DCC: variants seen among roughly 807,000 people sequenced by gnomAD.
DCC encodes DCC netrin 1 receptor.
A neutral mutation model predicts 172.5 loss-of-function variants in DCC; 58 were observed. The observed-to-expected ratio is 0.34, with a 90% CI of 0.27 to 0.42. The LOEUF (loss-of-function observed/expected upper bound fraction) is 0.42, where lower values mean the gene tolerates loss of function less well. Ranked by LOEUF, DCC falls within the 10% of genes least tolerant of loss-of-function variation. DCC has a pLI of 1.00. For synonymous variants in DCC, 709 were observed against 644.5 expected (o/e 1.10, Z -1.52); for missense variants, 1,740 against 1,791.0 (o/e 0.97, Z 0.51).
intron 1 of DCC, among the ~76,000 whole-genome samples, chr18:52,550,981 A>G (rs748377776): frequency 3.9e-5 from 6 of 152,016 alleles, no homozygotes; most frequent in Non-Finnish European, 7.4e-5. Context: ...GATAACCTGG[A>G]ATAAGAGGTA....
At chr18:52,522,445 C>T (rs776950782) in intron 1 of DCC, among the ~76,000 whole-genome samples, 2 of 152,156 alleles carry the variant, frequency 1.3e-5, no homozygotes, top group Non-Finnish European at 2.9e-5. Flanking sequence ...CCAGAACTAA[C>T]AACACTCTCC....
chr18:52,374,880 A>C (rs1268804352), intron 1 of DCC, among the ~76,000 whole-genome samples: 1 of 152,228 alleles, frequency 6.6e-6, no homozygotes, highest in African/African-American at 2.4e-5. Context: ...AGGGAAGTTG[A>C]AAGGTAGAAA....
In DCC at chr18:53,205,201, T is replaced by C. The variant is rs774246478; in HGVS notation, c.1574-15T>C. The C allele has an allele frequency of 6.2e-7, 1 of 1,608,186 alleles. No homozygotes were observed. Among genetic ancestry groups the C allele is most frequent in the South Asian group, 1.1e-5 (1 of 90,916 alleles). On this transcript the variant is annotated splice_polypyrimidine_tract_variant and intron_variant, in intron 9 of 28. Transcript: ENST00000442544. Reference sequence around the variant, plus strand: ...TAATCACTTTTCTTTCTTTCTTTATTATTTTTTTATACAGTGCAAGTTCCA... The same window carrying C: ...TAATCACTTTTCTTTCTTTCTTTATCATTTTTTTATACAGTGCAAGTTCCA...
rs78708486 is a variant in DCC at position 53,078,113 on chromosome 18, C to T, written c.1261+11947C>T. ...GCTATATTCATTATTCAATATTTATCGAGTACCCAGAAATATATAAGGAAT... is the reference window on the plus strand; with the variant it reads ...GCTATATTCATTATTCAATATTTATTGAGTACCCAGAAATATATAAGGAAT... On this transcript the variant is annotated intron_variant, in intron 7 of 28. Transcript: ENST00000442544. 5.3e-4 allele frequency among the ~76,000 whole-genome samples: 80 copies of T among 152,188 alleles called. 1 individual carries two copies. The East Asian group carries it at 0.013, about 25-fold the overall frequency.
At chr18:52,803,012 A>G (rs74375265) in intron 2 of DCC, among the ~76,000 whole-genome samples, 6,519 of 152,272 alleles carry the variant, frequency 0.043, 220 homozygotes, top group South Asian at 0.16. Context: ...CTGTAGGTTT[A>G]TATCATGTGT....
chr18:52,776,023 G>A (rs2037425353), intron 2 of DCC, among the ~76,000 whole-genome samples: 1 of 152,132 alleles, frequency 6.6e-6, no homozygotes, highest in Non-Finnish European at 1.5e-5. Flanking sequence ...TCACACTACA[G>A]CAGAGTTGGA....
At chr18:52,419,938 T>C (rs1045276442) in intron 1 of DCC, among the ~76,000 whole-genome samples, 3 of 152,172 alleles carry the variant, frequency 2.0e-5, no homozygotes, top group Admixed American at 1.3e-4. Context: ...CACTTTGTTA[T>C]TCCCATTTTA....
At chr18:53,467,654 CAT>C (rs772663213) in intron 24 of DCC, among the ~76,000 whole-genome samples, 3 of 152,200 alleles carry the variant, frequency 2.0e-5, no homozygotes, top group African/African-American at 4.8e-5. Context: ...CATGTATAAA[CAT>C]ATGCAAAAAT....
At chr18:52,910,209 G>A (rs960261675) in intron 3 of DCC, among the ~76,000 whole-genome samples, 2 of 152,090 alleles carry the variant, frequency 1.3e-5, no homozygotes, top group African/African-American at 2.4e-5. Flanking sequence ...GTGGCTTATG[G>A]GTGAAGGGAT....
chr18:52,952,362 C>G (rs2040662576), intron 5 of DCC, among the ~76,000 whole-genome samples: 1 of 152,000 alleles, frequency 6.6e-6, no homozygotes, highest in African/African-American at 2.4e-5. Flanking sequence ...CACATCACAT[C>G]TTTAAGTGTT....
At chr18:53,413,265 G>A (rs906823657) in intron 20 of DCC, among the ~76,000 whole-genome samples, 1 of 152,164 alleles carries the variant, frequency 6.6e-6, no homozygotes, top group Non-Finnish European at 1.5e-5. Flanking sequence ...GGCATCCTTA[G>A]TCATCATTCT....
intron 7 of DCC, among the ~76,000 whole-genome samples, chr18:53,131,417 G>A (rs146672414): frequency 6.6e-6 from 1 of 152,174 alleles, no homozygotes; most frequent in Non-Finnish European, 1.5e-5. Flanking sequence ...TGCAAAAGTT[G>A]TTACCGACAA....
At chr18:53,052,260 A>C (rs2042343978) in intron 5 of DCC, among the ~76,000 whole-genome samples, 1 of 151,862 alleles carries the variant, frequency 6.6e-6, no homozygotes, top group South Asian at 2.1e-4. Flanking sequence ...AGCTCTATTG[A>C]ATTTATTTTC....
chr18:52,572,895 T>A (rs1346286140), intron 1 of DCC, among the ~76,000 whole-genome samples: 1 of 152,228 alleles, frequency 6.6e-6, no homozygotes, highest in Non-Finnish European at 1.5e-5. Flanking sequence ...TGATTTGAAC[T>A]GTACATTGCC....
chr18:53,352,333 G>C (rs997434863), intron 15 of DCC, among the ~76,000 whole-genome samples: 3 of 152,114 alleles, frequency 2.0e-5, no homozygotes, highest in African/African-American at 7.2e-5. Flanking sequence ...AGCAAATGCT[G>C]TATCTGGGCA....
intron 1 of DCC, among the ~76,000 whole-genome samples, chr18:52,563,158 G>A (rs2033078894): frequency 6.6e-6 from 1 of 152,096 alleles, no homozygotes; most frequent in African/African-American, 2.4e-5. Context: ...GGAAAAGGAA[G>A]GAAGTCAAGA....
chr18:53,402,916 C>T, intron 19 of DCC, 23 bp downstream of exon 19: 1 of 1,506,972 alleles, frequency 6.6e-7, no homozygotes, highest in Non-Finnish European at 9.2e-7. Flanking sequence ...ACTTTCTCTC[C>T]CAGCATAGCT....
At chr18:53,486,466 A>G (rs2045900974) in intron 25 of DCC, among the ~76,000 whole-genome samples, 1 of 151,992 alleles carries the variant, frequency 6.6e-6, no homozygotes, top group African/African-American at 2.4e-5. Flanking sequence ...GTTCATCCTT[A>G]AAAGAAAGAC....
chr18:52,648,591 C>T (rs894432307), intron 1 of DCC, among the ~76,000 whole-genome samples: 6 of 152,202 alleles, frequency 3.9e-5, no homozygotes, highest in Admixed American at 2.6e-4. Flanking sequence ...AGTCCTAAGA[C>T]TGTTAGTGGC....
Sources: gnomAD v4.1 joint callset for allele counts (sites outside exome capture counted in the v4.1 genomes callset) on GRCh38, gnomAD v4.1.1 for gene constraint, MANE v1.5 for transcripts, NCBI Gene and HGNC (gene_info 2026-07-23, HGNC 2026-07-21) for gene names.